CTNNA2: variants seen among roughly 807,000 people sequenced by gnomAD.
The protein encoded by CTNNA2 is catenin alpha 2.
CTNNA2 carries 42 observed loss-of-function variants against 101.0 expected under a neutral mutation model. That is an observed-to-expected ratio of 0.42 (90% CI 0.32 to 0.54). The LOEUF (loss-of-function observed/expected upper bound fraction) is 0.54, where lower values mean the gene tolerates loss of function less well. CTNNA2 is among the 20% of genes least tolerant of loss of function. The probability of loss-of-function intolerance (pLI) is 0.14; values close to 1 mark genes in which losing one functional copy is unlikely to be tolerated. For missense variants in CTNNA2, 871 were observed against 1,223.1 expected (o/e 0.71, Z 4.29); for synonymous variants, 450 against 456.4 (o/e 0.99, Z 0.18).
intron 2 of CTNNA2, among the ~76,000 whole-genome samples, chr2:79,685,059 C>T (rs1394149796): frequency 6.6e-6 from 1 of 152,018 alleles, no homozygotes; most frequent in Non-Finnish European, 1.5e-5. Context: ...TATACTTTGA[C>T]CTATGGAATA....
intron 4 of CTNNA2, among the ~76,000 whole-genome samples, chr2:79,504,464 A>G (rs956280452): frequency 6.6e-6 from 1 of 151,994 alleles, no homozygotes; most frequent in Non-Finnish European, 1.5e-5. Context: ...TAATTTTTGT[A>G]TTTTTAGTAG....
intron 4 of CTNNA2, among the ~76,000 whole-genome samples, chr2:79,445,765 G>A (rs897476919): frequency 3.9e-5 from 6 of 152,164 alleles, no homozygotes; most frequent in African/African-American, 1.4e-4. Flanking sequence ...ACTCCTGTGT[G>A]CACAAGCAGA....
intron 7 of CTNNA2, among the ~76,000 whole-genome samples, chr2:80,347,141 G>C (rs1246592059): frequency 2.6e-5 from 4 of 152,164 alleles, no homozygotes; most frequent in Non-Finnish European, 5.9e-5. Context: ...AGCGAGCACC[G>C]CAGTGGCAGA....
At chr2:80,365,841 A>G (rs145339452) in intron 7 of CTNNA2, among the ~76,000 whole-genome samples, 17 of 152,298 alleles carry the variant, frequency 1.1e-4, no homozygotes, top group African/African-American at 3.6e-4. Context: ...CCCCTACAGT[A>G]GCATTGTAAT....
chr2:80,321,245 GA>G (rs147289115), intron 7 of CTNNA2, among the ~76,000 whole-genome samples: 4 of 150,818 alleles, frequency 2.7e-5, no homozygotes, highest in African/African-American at 4.9e-5. Flanking sequence ...AGGCCTCCTG[GA>G]AAAAAAAAGG....
At chr2:80,367,705 G>A (rs1440321602) in intron 7 of CTNNA2, among the ~76,000 whole-genome samples, 2 of 151,854 alleles carry the variant, frequency 1.3e-5, no homozygotes, top group African/African-American at 2.4e-5. Flanking sequence ...TGAAAAAAAT[G>A]TTTAAAGATG....
chr2:79,262,410 C>G (rs1352739831), intron 2 of CTNNA2, among the ~76,000 whole-genome samples: 1 of 151,326 alleles, frequency 6.6e-6, no homozygotes, highest in Non-Finnish European at 1.5e-5. Context: ...GATCTAAAAC[C>G]CAAAGACAGA....
intron 7 of CTNNA2, among the ~76,000 whole-genome samples, chr2:80,347,906 G>A (rs1672912542): frequency 6.6e-6 from 1 of 150,652 alleles, no homozygotes; most frequent in Non-Finnish European, 1.5e-5. Flanking sequence ...TGCATTGGGA[G>A]CACCTTGGGG....
chr2:79,451,054 C>T (rs1487993263), intron 4 of CTNNA2, among the ~76,000 whole-genome samples: 1 of 152,048 alleles, frequency 6.6e-6, no homozygotes, highest in Non-Finnish European at 1.5e-5. Flanking sequence ...GGGAGGAAAC[C>T]GGAGTAGTAT....
intron 7 of CTNNA2, among the ~76,000 whole-genome samples, chr2:80,068,961 C>T (rs550260980): frequency 5.3e-4 from 81 of 152,244 alleles, no homozygotes; most frequent in African/African-American, 1.8e-3. Flanking sequence ...CAGGATTCTC[C>T]AGAGAAACAA....
At chr2:80,401,759 G>A (rs143806887) in intron 8 of CTNNA2, among the ~76,000 whole-genome samples, 73 of 151,780 alleles carry the variant, frequency 4.8e-4, no homozygotes, top group African/African-American at 1.2e-3. Flanking sequence ...CCTGTTTTCA[G>A]GGGCAGAAAA....
intron 9 of CTNNA2, among the ~76,000 whole-genome samples, chr2:80,456,266 G>A (rs551480264): frequency 6.6e-6 from 1 of 152,190 alleles, no homozygotes; most frequent in African/African-American, 2.4e-5. Context: ...TTTCTTGGAA[G>A]CCTCTTCTTT....
At chr2:79,619,191 GTGAGACTCCGTCTC>G (rs1258617542) in intron 1 of CTNNA2, among the ~76,000 whole-genome samples, 1 of 152,246 alleles carries the variant, frequency 6.6e-6, no homozygotes, top group African/African-American at 2.4e-5. Context: ...GGGTGACAGA[GTGAGACTCCGTCTC>G]AAACAAACAA....
chr2:79,266,654 G>GA (rs1175747606), intron 2 of CTNNA2, among the ~76,000 whole-genome samples: 1 of 148,640 alleles, frequency 6.7e-6, no homozygotes, highest in Non-Finnish European at 1.5e-5. Context: ...GGTAAGTGAA[G>GA]ATAAAGATAA....
chr2:79,582,984 A>G (rs1418722923), intron 1 of CTNNA2, among the ~76,000 whole-genome samples: 1 of 152,042 alleles, frequency 6.6e-6, no homozygotes, highest in African/African-American at 2.4e-5. Flanking sequence ...GGAGTCATGT[A>G]ATGTGTTGTG....
intron 7 of CTNNA2, chr2:80,328,129 A>G (rs1670989184): frequency 2.6e-6 from 1 of 378,122 alleles, no homozygotes; most frequent in African/African-American, 2.1e-5. Flanking sequence ...TGTTCTTTAC[A>G]GCAACAAACT....
At chr2:80,494,090 A>C (rs1230664477) in intron 9 of CTNNA2, among the ~76,000 whole-genome samples, 1 of 152,162 alleles carries the variant, frequency 6.6e-6, no homozygotes, top group Non-Finnish European at 1.5e-5. Context: ...CCCTGATAGG[A>C]CTAGAACAGG....
intron 3 of CTNNA2, among the ~76,000 whole-genome samples, chr2:79,775,008 T>C (rs1673859617): frequency 1.3e-5 from 2 of 152,180 alleles, no homozygotes; most frequent in Admixed American, 1.3e-4. Context: ...TTGGACTATA[T>C]GGTTAATACT....
chr2:79,256,309 C>A (rs1470172684), intron 2 of CTNNA2, among the ~76,000 whole-genome samples: 1 of 152,164 alleles, frequency 6.6e-6, no homozygotes, highest in Non-Finnish European at 1.5e-5. Context: ...AAGGACATTT[C>A]TCTGTGTTCA....
Sources: gnomAD v4.1 joint callset for allele counts (sites outside exome capture counted in the v4.1 genomes callset) on GRCh38, gnomAD v4.1.1 for gene constraint, MANE v1.5 for transcripts, NCBI Gene and HGNC (gene_info 2026-07-23, HGNC 2026-07-21) for gene names.